Variants in PCLO observed in about 807,000 individuals in gnomAD.
PCLO encodes protein piccolo.
In PCLO, 82 loss-of-function variants were observed where a neutral mutation model predicts 427.5. That is an observed-to-expected ratio of 0.19 (90% CI 0.16 to 0.23). PCLO has a LOEUF of 0.23. PCLO is among the 10% of genes least tolerant of loss of function. The pLI, the probability that PCLO is intolerant of heterozygous loss-of-function variation, is 1.00. For missense variants in PCLO, 6,239 were observed against 6,115.9 expected, an observed-to-expected ratio of 1.02 and a Z score of -0.67; for synonymous variants, 2,357 against 2,155.4, an observed-to-expected ratio of 1.09 and a Z score of -2.59.
intron 6 of PCLO, among the ~76,000 whole-genome samples, chr7:82,948,612 T>G (rs1020230346): frequency 1.3e-5 from 2 of 152,172 alleles, no homozygotes; most frequent in Non-Finnish European, 2.9e-5. Context: ...ACTTTCTGAA[T>G]AGTTATGTAT....
chr7:82,837,443 C>A (rs185659583), intron 15 of PCLO, among the ~76,000 whole-genome samples: 1 of 152,084 alleles, frequency 6.6e-6, no homozygotes, highest in East Asian at 1.9e-4. Flanking sequence ...ATTTTACCTC[C>A]ATTTGTTGAT....
chr7:83,125,805 C>T (rs1356645105), intron 3 of PCLO, among the ~76,000 whole-genome samples: 9 of 152,134 alleles, frequency 5.9e-5, no homozygotes. Flanking sequence ...ACATGTTTAT[C>T]TGCTGACCTT....
chr7:83,096,946 T>C (rs1484997639), intron 3 of PCLO, among the ~76,000 whole-genome samples: 760 of 41,882 alleles, frequency 0.018, 169 homozygotes, highest in African/African-American at 0.082. Flanking sequence ...ATATTATATA[T>C]TATATAAATA....
At chr7:82,847,945 C>A (rs117588359) in intron 10 of PCLO, among the ~76,000 whole-genome samples, 1 of 152,196 alleles carries the variant, frequency 6.6e-6, no homozygotes, top group Non-Finnish European at 1.5e-5. Flanking sequence ...AACAAGGAAC[C>A]CACATTTTAA....
At chr7:82,871,457 G>A (rs1793235692) in intron 10 of PCLO, among the ~76,000 whole-genome samples, 1 of 151,862 alleles carries the variant, frequency 6.6e-6, no homozygotes, top group Non-Finnish European at 1.5e-5. Context: ...TGGAATGGGT[G>A]GTGTGGAGGG....
intron 3 of PCLO, among the ~76,000 whole-genome samples, chr7:82,969,777 T>A (rs1484688673): frequency 1.3e-5 from 2 of 152,014 alleles, no homozygotes; most frequent in African/African-American, 2.4e-5. Flanking sequence ...AAAGCATGGG[T>A]GAAAATAAGT....
At position 82,760,727 on chromosome 7, in the gene PCLO, T is replaced by C. The variant is rs781242712; in HGVS notation, c.15200A>G (p.Lys5067Arg). The change falls in exon 24 of 25, where the codon AAA becomes AGA. Residue 5067 changes from lysine (K) to arginine (R), a missense_variant. Lys to Arg is a conservative substitution (Grantham distance 26, BLOSUM62 2). Coordinates refer to ENST00000333891, the MANE Select transcript of PCLO (RefSeq NM_033026.6). ...NISTQKKVIK[K>R]KTRVCRHDRE... ...ATCATGTCTGCATACTCTTGTTTTTTTCTTGATCACCTTTTTTTGGGTAGA... is the reference window on the plus strand; with the variant it reads ...ATCATGTCTGCATACTCTTGTTTTTCTCTTGATCACCTTTTTTTGGGTAGA... 2 of 1,571,484 alleles carry C rather than the reference T, an allele frequency of 1.3e-6. No homozygotes were observed. Among genetic ancestry groups the C allele is most frequent in the Admixed American group, 1.7e-5 (1 of 58,648 alleles).
intron 9 of PCLO, among the ~76,000 whole-genome samples, chr7:82,887,620 T>G (rs1474758078): frequency 6.6e-6 from 1 of 152,130 alleles, no homozygotes; most frequent in Admixed American, 6.6e-5. Flanking sequence ...AAGCAATCTG[T>G]CAGGAGAAAT....
intron 3 of PCLO, among the ~76,000 whole-genome samples, chr7:83,064,500 C>A (rs531820847): frequency 2.0e-5 from 3 of 152,012 alleles, no homozygotes; most frequent in Non-Finnish European, 4.4e-5. Flanking sequence ...CATCTCACCA[C>A]ACATAGTTGC....
At chr7:82,794,459 CTTTTT>C (rs778108792) in intron 22 of PCLO, among the ~76,000 whole-genome samples, 16 of 56,368 alleles carry the variant, frequency 2.8e-4, no homozygotes, top group African/African-American at 3.1e-4. Flanking sequence ...AATTTTTTTT[CTTTTT>C]TTTTTTTTTT....
chr7:83,162,310 T>A (rs753164030), intron 1 of PCLO, 35 bp downstream of exon 1: 1 of 1,566,068 alleles, frequency 6.4e-7, no homozygotes, highest in Non-Finnish European at 8.6e-7. Flanking sequence ...AAGCTGTACA[T>A]ATATGCCCGG....
At chr7:82,799,964 G>A (rs1421317317) in intron 22 of PCLO, among the ~76,000 whole-genome samples, 1 of 152,020 alleles carries the variant, frequency 6.6e-6, no homozygotes, top group Non-Finnish European at 1.5e-5. Flanking sequence ...TAGTTTCCTG[G>A]TTGGACACAA....
chr7:82,786,735 C>T (rs1295879428), intron 22 of PCLO, among the ~76,000 whole-genome samples: 1 of 151,986 alleles, frequency 6.6e-6, no homozygotes, highest in Non-Finnish European at 1.5e-5. Context: ...TGCTATCCCT[C>T]CCCTAGCTCC....
intron 6 of PCLO, among the ~76,000 whole-genome samples, chr7:82,935,467 A>T (rs1453231034): frequency 6.6e-6 from 1 of 151,484 alleles, no homozygotes; most frequent in African/African-American, 2.4e-5. Flanking sequence ...TATTATATTA[A>T]GAATCAAATG....
chr7:82,956,818 T>G lies in PCLO; in HGVS notation c.4135A>C (p.Ser1379Arg). Reference protein sequence around the residue: ...GISSSLGEIPSLIPTDEKDIL... With the variant: ...GISSSLGEIPRLIPTDEKDIL... ...TCCTTTTCATCAGTTGGAATAAGAC[T>G]TGGAATTTCACCAAGTGAGCTTGAT... Residue 1379 changes from serine (S) to arginine (R), a missense_variant, in exon 5 of 25, where the codon AGT becomes CGT. Physicochemically the swap from Ser to Arg is moderately radical, Grantham distance 110. This residue lies in a region of PCLO where 4,677 missense variants were observed against 4,468.4 expected (regional missense o/e 1.05). Transcript: ENST00000333891. 6.2e-7 allele frequency: 1 copy of G among 1,613,780 alleles called. No homozygotes were observed. The highest frequency in any genetic ancestry group is 8.5e-7 in the Non-Finnish European group (1 of 1,179,726).
At chr7:82,984,907 A>T (rs750891761) in intron 3 of PCLO, among the ~76,000 whole-genome samples, 1 of 152,038 alleles carries the variant, frequency 6.6e-6, no homozygotes, top group East Asian at 1.9e-4. Context: ...ATGTATGTCA[A>T]ATTAGAAATA....
At chr7:83,031,780 C>A (rs1409110859) in intron 3 of PCLO, among the ~76,000 whole-genome samples, 1 of 148,884 alleles carries the variant, frequency 6.7e-6, no homozygotes, top group South Asian at 2.2e-4. Flanking sequence ...CTCACACACA[C>A]AAACACATAA....
intron 19 of PCLO, among the ~76,000 whole-genome samples, chr7:82,823,744 CA>C (rs747361582): frequency 5.9e-5 from 9 of 152,052 alleles, no homozygotes; most frequent in Non-Finnish European, 1.0e-4. Context: ...GTTTTGATGA[CA>C]GGGGAAAATA....
chr7:83,111,782 C>A (rs1219311683), intron 3 of PCLO, among the ~76,000 whole-genome samples: 2 of 152,152 alleles, frequency 1.3e-5, no homozygotes, highest in African/African-American at 2.4e-5. Flanking sequence ...CAACTTGTTA[C>A]ATAGCAATAT....
Sources: gnomAD v4.1 joint callset for allele counts (sites outside exome capture counted in the v4.1 genomes callset) on GRCh38, gnomAD v4.1.1 for gene constraint, gnomAD v4.1.1 regional missense constraint, MANE v1.5 for transcripts, NCBI Gene and HGNC (gene_info 2026-07-23, HGNC 2026-07-21) for gene names.